The following PACS1 variants were observed in gnomAD, a reference collection of about 807,000 sequenced individuals.
The protein encoded by PACS1 is PACS-1.
PACS1 carries 24 observed loss-of-function variants against 115.0 expected under a neutral mutation model. The observed-to-expected ratio is 0.21, with a 90% CI of 0.15 to 0.29. The LOEUF is 0.29. PACS1 is among the 10% of genes least tolerant of loss of function. The pLI, the probability that PACS1 is intolerant of heterozygous loss-of-function variation, is 1.00. For synonymous variants in PACS1, 453 were observed against 504.5 expected, an observed-to-expected ratio of 0.90 and a Z score of 1.37; for missense variants, 838 against 1,251.2, an observed-to-expected ratio of 0.67 and a Z score of 4.98.
intron 1 of PACS1, among the ~76,000 whole-genome samples, chr11:66,163,083 T>C (rs1022038154): frequency 5.9e-5 from 9 of 152,160 alleles, no homozygotes; most frequent in Admixed American, 6.5e-5. Context: ...GTGTGGTGGC[T>C]CACACCTGTA....
In PACS1 at chr11:66,070,476, C is replaced by G. The variant is rs1857287317; in HGVS notation, c.-11C>G. 1.6e-5 allele frequency: 20 copies of G among 1,262,652 alleles called. No homozygotes were observed. Among genetic ancestry groups the G allele is most frequent in the Non-Finnish European group, 2.0e-5 (20 of 1,007,756 alleles). The allele number at this position is 1,262,652 out of a possible 1,614,324, so 78.2% of individuals were successfully genotyped here. ...TCGCCTCGGCCTCCGTAACCCCCGC[C>G]TAGCCGGGCCATGGCGGAACGCGGA... On this transcript the variant is annotated 5_prime_UTR_variant, in exon 1 of 24. Coordinates refer to ENST00000320580, the MANE Select transcript of PACS1 (RefSeq NM_018026.4). This position sits in a 1 kb window ranked among gnomAD's most constrained non-coding sequence, Gnocchi z 5.9.
Position 66,216,112 on chromosome 11 carries a change from C to T in PACS1, c.661-7C>T. 3 of 1,613,688 alleles carry T rather than the reference C, an allele frequency of 1.9e-6. No individual in the cohort carries two copies. Among genetic ancestry groups the T allele is most frequent in the Admixed American group, 1.7e-5 (1 of 59,978 alleles). On this transcript the variant is annotated splice_polypyrimidine_tract_variant and splice_region_variant and intron_variant, in intron 4 of 23. Coordinates refer to ENST00000320580, the MANE Select transcript of PACS1 (RefSeq NM_018026.4). The stretch of plus-strand genomic sequence containing the variant: ...AACACGCCTCCACCACCTCCCCTGG[C>T]TCCTAGGTGATGCAGCATCCTAATG...
At chr11:66,123,516 T>TTTTA (rs906772105) in intron 1 of PACS1, among the ~76,000 whole-genome samples, 2 of 151,092 alleles carry the variant, frequency 1.3e-5, no homozygotes, top group Non-Finnish European at 1.5e-5. Context: ...TATTTTTTTA[T>TTTTA]TTTATTTATT....
chr11:66,227,725 C>T (rs546056606), intron 11 of PACS1, 141 bp downstream of exon 11: 8 of 563,118 alleles, frequency 1.4e-5, no homozygotes, highest in Admixed American at 1.1e-4. Context: ...CTCTCTTTCT[C>T]CTGAAATCCT....
chr11:66,076,961 CTT>C (rs1174042913), intron 1 of PACS1, among the ~76,000 whole-genome samples: 4 of 152,172 alleles, frequency 2.6e-5, no homozygotes, highest in Admixed American at 1.3e-4. Context: ...TGGGCAGTCT[CTT>C]AGGTTGGCAA....
At chr11:66,183,355 C>G (rs969843794) in intron 1 of PACS1, among the ~76,000 whole-genome samples, 1 of 152,162 alleles carries the variant, frequency 6.6e-6, no homozygotes, top group Non-Finnish European at 1.5e-5. Flanking sequence ...TGTTTTTACT[C>G]TCACAAAGGA....
intron 1 of PACS1, among the ~76,000 whole-genome samples, chr11:66,147,626 C>T (rs923174454): frequency 1.3e-5 from 2 of 151,856 alleles, no homozygotes; most frequent in Non-Finnish European, 2.9e-5. Context: ...TGGTAATTGA[C>T]AGTAAAAAGC....
At chr11:66,173,127 C>T (rs1396162612) in intron 1 of PACS1, among the ~76,000 whole-genome samples, 1 of 144,350 alleles carries the variant, frequency 6.9e-6, no homozygotes, top group Non-Finnish European at 1.5e-5. Context: ...GAGACAGGGT[C>T]CTGCTATGTT....
At chr11:66,130,431 C>T (rs1187705696) in intron 1 of PACS1, among the ~76,000 whole-genome samples, 1 of 152,048 alleles carries the variant, frequency 6.6e-6, no homozygotes. Flanking sequence ...ATTATATTGA[C>T]ATTGCAAGGG....
chr11:66,239,497 G>A (rs1015165280), intron 21 of PACS1, among the ~76,000 whole-genome samples: 1 of 152,096 alleles, frequency 6.6e-6, no homozygotes, highest in African/African-American at 2.4e-5. Context: ...TGTAGCCTGT[G>A]TGACAGCAAG....
At chr11:66,124,063 A>G (rs974078079) in intron 1 of PACS1, among the ~76,000 whole-genome samples, 2 of 152,246 alleles carry the variant, frequency 1.3e-5, no homozygotes, top group South Asian at 2.1e-4. Flanking sequence ...AGCTTTGGCA[A>G]TACCGTCTAG....
intron 1 of PACS1, among the ~76,000 whole-genome samples, chr11:66,145,894 G>A (rs1859111340): frequency 6.6e-6 from 1 of 151,874 alleles, no homozygotes; most frequent in South Asian, 2.1e-4. Context: ...AGAAAAACTG[G>A]AAAAAAGAAG....
chr11:66,123,923 G>A (rs1858509412), intron 1 of PACS1, among the ~76,000 whole-genome samples: 1 of 152,000 alleles, frequency 6.6e-6, no homozygotes, highest in Admixed American at 6.6e-5. Flanking sequence ...TATGCACCGG[G>A]AAATAAATAA....
chr11:66,113,902 A>T (rs1334973235), intron 1 of PACS1, among the ~76,000 whole-genome samples: 1 of 152,166 alleles, frequency 6.6e-6, no homozygotes, highest in Non-Finnish European at 1.5e-5. Context: ...CCACAGCCTC[A>T]TAAAGTACTC....
intron 2 of PACS1, among the ~76,000 whole-genome samples, chr11:66,199,782 G>C (rs2134682632): frequency 6.6e-6 from 1 of 151,956 alleles, no homozygotes; most frequent in Admixed American, 6.6e-5. Context: ...CACTTTGGGA[G>C]CCCAAGGCGG....
intron 1 of PACS1, among the ~76,000 whole-genome samples, chr11:66,154,220 TG>T: frequency 6.6e-6 from 1 of 152,222 alleles, no homozygotes. Flanking sequence ...GAGTATTGCT[TG>T]AGGCCAGGAA....
chr11:66,151,829 G>A (rs796868482), intron 1 of PACS1, among the ~76,000 whole-genome samples: 14 of 152,266 alleles, frequency 9.2e-5, no homozygotes, highest in African/African-American at 3.4e-4. Flanking sequence ...ACTGTGCTAT[G>A]ATCAAAGAAT....
intron 1 of PACS1, among the ~76,000 whole-genome samples, chr11:66,100,477 C>T (rs1385554476): frequency 6.6e-6 from 1 of 152,154 alleles, no homozygotes; most frequent in Non-Finnish European, 1.5e-5. Flanking sequence ...GGAAAACAGA[C>T]GTGTAAACTT....
At chr11:66,077,988 AAC>A (rs879547419) in intron 1 of PACS1, among the ~76,000 whole-genome samples, 1 of 152,274 alleles carries the variant, frequency 6.6e-6, no homozygotes, top group Admixed American at 6.5e-5. Flanking sequence ...AGTTGTAAGC[AAC>A]CATGCCTGGC....
Sources: gnomAD v4.1 joint callset for allele counts (sites outside exome capture counted in the v4.1 genomes callset) on GRCh38, gnomAD v4.1.1 for gene constraint, Gnocchi (gnomAD v3.1) non-coding constraint, MANE v1.5 for transcripts, NCBI Gene and HGNC (gene_info 2026-07-23, HGNC 2026-07-21) for gene names.